KALRN: variants seen among roughly 807,000 people sequenced by gnomAD.
KALRN encodes the protein kalirin RhoGEF kinase.
KALRN carries 70 observed loss-of-function variants against 353.7 expected under a neutral mutation model. The ratio of observed to expected loss-of-function variants is 0.20; its 90% CI spans 0.16 to 0.24. The LOEUF (loss-of-function observed/expected upper bound fraction) is 0.24. Among genes scored for constraint, KALRN ranks in the 10% least tolerant of loss-of-function variants. The pLI is 1.00. For missense variants in KALRN, 2,791 were observed against 3,756.7 expected (o/e 0.74, Z 6.72); for synonymous variants, 1,391 against 1,434.8 (o/e 0.97, Z 0.69).
At chr3:124,037,159 A>G (rs1317965207) in intron 1 of KALRN, among the ~76,000 whole-genome samples, 1 of 152,260 alleles carries the variant, frequency 6.6e-6, no homozygotes, top group African/African-American at 2.4e-5. Context: ...TCTGCTGTCC[A>G]CGGTGCTGTG....
chr3:124,544,618 G>GTATATCTATATATC (rs1372428223), intron 33 of KALRN, among the ~76,000 whole-genome samples: 1,656 of 150,784 alleles, frequency 0.011, 22 homozygotes, highest in African/African-American at 0.033. Flanking sequence ...ATATATCTAT[G>GTATATCTATATATC]TATATCTATA....
At chr3:124,545,084 A>G (rs1017075138) in intron 33 of KALRN, among the ~76,000 whole-genome samples, 3 of 152,236 alleles carry the variant, frequency 2.0e-5, no homozygotes, top group Non-Finnish European at 4.4e-5. Flanking sequence ...AGTGATATCC[A>G]TGCTTTTTCT....
intron 1 of KALRN, among the ~76,000 whole-genome samples, chr3:124,112,035 G>T (rs552858222): frequency 1.1e-4 from 17 of 152,224 alleles, no homozygotes; most frequent in Non-Finnish European, 2.1e-4. Context: ...CGGGCACGGT[G>T]GCACATGCCT....
At chr3:124,046,899 C>T (rs1478392539) in intron 1 of KALRN, among the ~76,000 whole-genome samples, 1 of 28,470 alleles carries the variant, frequency 3.5e-5, no homozygotes, top group Non-Finnish European at 1.3e-4. Context: ...TTTGTTGACC[C>T]ATTTTTTTTT....
At chr3:124,588,704 G>T (rs13092930) in intron 34 of KALRN, among the ~76,000 whole-genome samples, 44,758 of 152,046 alleles carry the variant, frequency 0.29, 7,322 homozygotes, top group Middle Eastern at 0.4. Context: ...GGGATTACAG[G>T]TGTGAGTCAC....
chr3:124,712,278 G>A (rs1237051332), intron 57 of KALRN, among the ~76,000 whole-genome samples: 1 of 152,156 alleles, frequency 6.6e-6, no homozygotes, highest in Non-Finnish European at 1.5e-5. Context: ...CAAAGAGTTA[G>A]CATTTGTGCT....
At chr3:124,159,394 C>G (rs1207734264) in intron 1 of KALRN, among the ~76,000 whole-genome samples, 2 of 152,160 alleles carry the variant, frequency 1.3e-5, no homozygotes, top group Non-Finnish European at 2.9e-5. Context: ...CCTCAGCCCC[C>G]CAAGTAGCTG....
intron 34 of KALRN, among the ~76,000 whole-genome samples, chr3:124,592,989 G>A (rs1377916377): frequency 1.3e-5 from 2 of 152,194 alleles, no homozygotes; most frequent in African/African-American, 2.4e-5. Flanking sequence ...CTGCTGCTAG[G>A]TCAAAGCAGT....
At chr3:124,266,609 A>G (rs569633988) in intron 4 of KALRN, among the ~76,000 whole-genome samples, 57 of 152,320 alleles carry the variant, frequency 3.7e-4, no homozygotes, top group Non-Finnish European at 6.5e-4. Context: ...TGTTGAAAAC[A>G]CAGAGCTGCT....
At chr3:124,410,659 A>G (rs1274274926) in intron 13 of KALRN, among the ~76,000 whole-genome samples, 1 of 152,212 alleles carries the variant, frequency 6.6e-6, no homozygotes, top group Non-Finnish European at 1.5e-5. Context: ...CTTCACACCC[A>G]CTAGCATGGT....
chr3:124,223,754 G>C (rs989772742), intron 1 of KALRN, among the ~76,000 whole-genome samples: 1 of 152,186 alleles, frequency 6.6e-6, no homozygotes, highest in Admixed American at 6.5e-5. Context: ...GACAGGGCTG[G>C]GGGGCTCAAG....
chr3:124,410,777 A>C (rs75680253), intron 13 of KALRN, among the ~76,000 whole-genome samples: 1,848 of 152,310 alleles, frequency 0.012, 31 homozygotes, highest in East Asian at 0.077. Flanking sequence ...TTTTGAGGAA[A>C]TCTGATGGTT....
At chr3:124,059,724 T>G (rs1488182293) in intron 1 of KALRN, among the ~76,000 whole-genome samples, 1 of 152,226 alleles carries the variant, frequency 6.6e-6, no homozygotes, top group African/African-American at 2.4e-5. Flanking sequence ...GTGCTTGCTT[T>G]TTATCATAGA....
At chr3:124,501,858 G>T (rs1277426583) in intron 33 of KALRN, among the ~76,000 whole-genome samples, 1 of 152,212 alleles carries the variant, frequency 6.6e-6, no homozygotes, top group African/African-American at 2.4e-5. Flanking sequence ...ATGAGAAGAG[G>T]TCCTGCCATC....
At position 124,332,034 on chromosome 3, in the gene KALRN, T is replaced by C. The variant is rs116672531; in HGVS notation, c.1416+2042T>C. On this transcript the variant is annotated intron_variant, in intron 8 of 59. Transcript: ENST00000682506. The stretch of plus-strand genomic sequence containing the variant: ...AGCTCTCCTGGGTTTCACTATAGGA[T>C]ATTTGTCTTATTTATGTCTCTGGTG... Among the ~76,000 whole-genome samples the C allele has an allele frequency of 3.5e-3, 533 of 152,208 alleles. 2 individuals carry two copies. Among genetic ancestry groups the C allele is most frequent in the African/African-American group, 0.012 (491 of 41,528 alleles).
intron 2 of KALRN, among the ~76,000 whole-genome samples, chr3:124,228,814 G>C (rs2078856967): frequency 6.6e-6 from 1 of 151,908 alleles, no homozygotes; most frequent in Non-Finnish European, 1.5e-5. Context: ...CTAGGGGTCA[G>C]CAGGGCTGTG....
At chr3:124,256,623 G>A (rs1324572488) in intron 3 of KALRN, among the ~76,000 whole-genome samples, 4 of 152,108 alleles carry the variant, frequency 2.6e-5, no homozygotes, top group South Asian at 2.1e-4. Context: ...GTTGTGACAC[G>A]CCTATTCATT....
chr3:124,113,894 A>T (rs908610375), intron 1 of KALRN, among the ~76,000 whole-genome samples: 13 of 152,152 alleles, frequency 8.5e-5, no homozygotes, highest in Non-Finnish European at 1.9e-4. Context: ...ATCTTCAGAA[A>T]CCCGTTCTTA....
chr3:124,647,941 C>T (rs781334312), intron 37 of KALRN, among the ~76,000 whole-genome samples: 25 of 152,232 alleles, frequency 1.6e-4, no homozygotes, highest in Non-Finnish European at 3.4e-4. Flanking sequence ...TATTCCCCAT[C>T]CTTGGATTGA....
Sources: gnomAD v4.1 joint callset for allele counts (sites outside exome capture counted in the v4.1 genomes callset) on GRCh38, gnomAD v4.1.1 for gene constraint, MANE v1.5 for transcripts, NCBI Gene and HGNC (gene_info 2026-07-23, HGNC 2026-07-21) for gene names.